The following ZFP92 variants were observed in gnomAD, a reference collection of about 807,000 sequenced individuals.
ZFP92 encodes zinc finger protein 92 homolog.
A neutral mutation model predicts 7.6 loss-of-function variants in ZFP92; 2 were observed. The ratio of observed to expected loss-of-function variants is 0.26; its 90% CI spans 0.11 to 0.83. The LOEUF is 0.83. Among genes scored for constraint, ZFP92 ranks in the 40% least tolerant of loss-of-function variants. The pLI is 0.65. For missense variants in ZFP92, 324 were observed against 408.3 expected, an observed-to-expected ratio of 0.79 and a Z score of 1.78; for synonymous variants, 226 against 183.6, an observed-to-expected ratio of 1.23 and a Z score of -1.87.
At chrX:153,413,944 C>G (rs906181149) in intron 2 of ZFP92, among the ~76,000 whole-genome samples, 13 of 112,482 alleles carry the variant, frequency 1.2e-4, no homozygotes, top group Admixed American at 1.9e-4. Flanking sequence ...GGGTCTCCGT[C>G]TCTGGGCGGC....
At position 153,423,619 on chromosome X, in the gene ZFP92, C is replaced by T. The variant is rs1352337412; in HGVS notation, c.*1991C>T. ...TGATGCCAAGCCCGGTGCTGGTAAT[C>T]AGTAAGCATGAGTGAAATAGGTCTT... On this transcript the variant is annotated 3_prime_UTR_variant, in exon 6 of 6. Coordinates refer to ENST00000338647, the MANE Select transcript of ZFP92 (RefSeq NM_001136273.2). The T allele has an allele frequency of 8.8e-6, 1 of 113,130 alleles. No homozygotes were observed. Among genetic ancestry groups the T allele is most frequent in the African/African-American group, 3.2e-5 (1 of 31,147 alleles). The allele number at this position is 113,130 out of a possible 1,213,427, so 9.3% of individuals were successfully genotyped here.
At position 153,411,707 on chromosome X, in the gene ZFP92, A is replaced by G. The variant is rs1556972987; in HGVS notation, c.-68+4A>G. ...CTCGGCTGCCCGCCGAGCCCAGGTA[A>G]GAGGGCCGAGCTGGGCCGCAGGGGT... On this transcript the variant is annotated splice_donor_region_variant and intron_variant, in intron 1 of 5. Transcript: ENST00000338647. 8.9e-6 allele frequency among the ~76,000 whole-genome samples: 1 copy of G among 112,898 alleles called. No homozygotes were observed. Among genetic ancestry groups the G allele is most frequent in the East Asian group, 2.8e-4 (1 of 3,552 alleles).
chrX:153,419,219 A>G (rs947688562), intron 4 of ZFP92, among the ~76,000 whole-genome samples: 3 of 112,744 alleles, frequency 2.7e-5, no homozygotes, highest in East Asian at 5.6e-4. Context: ...TTTTCCTTCC[A>G]TTGACCAGGG....
chrX:153,420,842 G>T lies in ZFP92; in HGVS notation c.465G>T (p.Gln155His). Residue 155 changes from glutamine to histidine, a missense_variant, in exon 6 of 6, where the codon CAG becomes CAT. Gln to His is a conservative substitution (Grantham distance 24). Transcript: ENST00000338647. Reference protein sequence around the residue: ...PKGAEKRYLCQQCGKAFSRSS... With the variant: ...PKGAEKRYLCHQCGKAFSRSS... ...GCGCGGAGAAGCGGTACCTGTGCCA[G>T]CAGTGTGGGAAGGCCTTCAGCCGCA... 1 of 1,179,074 alleles carries T rather than the reference G, an allele frequency of 8.5e-7. No individual in the cohort carries two copies. The highest frequency in any genetic ancestry group is 1.1e-6 in the Non-Finnish European group (1 of 878,942).
At chrX:153,418,542 G>A (rs782621522) in intron 3 of ZFP92, 131 bp from the exon 4 acceptor site, 65 of 1,002,970 alleles carry the variant, frequency 6.5e-5, no homozygotes, top group Admixed American at 1.3e-4. Context: ...CTTACAACTC[G>A]TGCAACCCGA....
rs2088976772 is a variant in ZFP92 at position 153,418,936 on chromosome X, C to G, written c.160+137C>G. 1.5e-5 allele frequency: 14 copies of G among 911,280 alleles called. No individual in the cohort carries two copies. In the South Asian group the frequency reaches 3.8e-4, roughly 25 times the overall value. The allele number at this position is 911,280 out of a possible 1,213,427, so 75.1% of individuals were successfully genotyped here. A position where few individuals can be genotyped will look rare whatever the true frequency, so the allele number is the denominator to read the frequency against. On this transcript the variant is annotated intron_variant, in intron 4 of 5. Coordinates refer to ENST00000338647, the MANE Select transcript of ZFP92 (RefSeq NM_001136273.2). ...GCATTTCTCCATCAGACCAGTAATG[C>G]CAGTAATCCATTGCAGGCCAGCCGC...
chrX:153,421,813 G>C lies in ZFP92; in HGVS notation c.*185G>C. The C allele has an allele frequency of 1.8e-6, 1 of 543,877 alleles. No individual in the cohort carries two copies. The highest frequency in any genetic ancestry group is 2.4e-6 in the Non-Finnish European group (1 of 413,268). The allele number at this position is 543,877 out of a possible 1,213,427, so 44.8% of individuals were successfully genotyped here. A position where few individuals can be genotyped will look rare whatever the true frequency, so the allele number is the denominator to read the frequency against. On this transcript the variant is annotated 3_prime_UTR_variant, in exon 6 of 6. Transcript: ENST00000338647. ...CTCACCCTGAGGCTGAGAAACGCAGGAAGGACTCAGAACCGAGGACTGCCG... is the reference window on the plus strand; with the variant it reads ...CTCACCCTGAGGCTGAGAAACGCAGCAAGGACTCAGAACCGAGGACTGCCG...
At position 153,421,160 on chromosome X, in the gene ZFP92, G is replaced by A; in HGVS notation, c.783G>A (p.Glu261=). 8.5e-7 allele frequency: 1 copy of A among 1,180,707 alleles called. No individual in the cohort carries two copies. Among genetic ancestry groups the A allele is most frequent in the Non-Finnish European group, 1.1e-6 (1 of 880,075 alleles). The change falls in exon 6 of 6, where the codon GAG becomes GAA. Residue 261 remains glutamate (E), a synonymous_variant. Transcript: ENST00000338647. ...LLEHARVHSG[E]RPYACPECGK... is the part of the protein sequence containing the mutation. The stretch of plus-strand genomic sequence containing the variant: ...AGCACGCGCGCGTGCACAGCGGCGA[G>A]CGGCCCTACGCGTGCCCAGAGTGCG...
chrX:153,426,335 T>TATC lies in ZFP92; in HGVS notation c.*4709_*4711dup, dbSNP rs1432957338. On this transcript the variant is annotated 3_prime_UTR_variant, in exon 6 of 6. Coordinates refer to ENST00000338647, the MANE Select transcript of ZFP92 (RefSeq NM_001136273.2). The stretch of plus-strand genomic sequence containing the variant: ...TTTTTTCATCAGGTGTTTTTGTGCA[T>TATC]ATCAGTACTCCATTTTTTTTTATTG... 1 of 110,993 alleles carries TATC rather than the reference T, an allele frequency of 9.0e-6. No individual in the cohort carries two copies. Among genetic ancestry groups the TATC allele is most frequent in the African/African-American group, 3.3e-5 (1 of 30,569 alleles). 9.1% of individuals were successfully genotyped at this position (110,993 alleles called of 1,213,427 possible).
intron 2 of ZFP92, among the ~76,000 whole-genome samples, 105 bp downstream of exon 2, chrX:153,412,118 G>A (rs2088913192): frequency 8.9e-6 from 1 of 112,915 alleles, no homozygotes; most frequent in African/African-American, 3.2e-5. Context: ...TCTCCAGATC[G>A]GGGCAGGATG....
At chrX:153,413,550 C>T (rs1009180934) in intron 2 of ZFP92, among the ~76,000 whole-genome samples, 4 of 109,951 alleles carry the variant, frequency 3.6e-5, no homozygotes, top group Non-Finnish European at 5.7e-5. Flanking sequence ...TCACCTGAGG[C>T]GCCAAGGTCT....
In ZFP92 at chrX:153,425,439, T is replaced by G. The variant is rs781898289; in HGVS notation, c.*3811T>G. Reference sequence around the variant, plus strand: ...TCAGTTAGAACCAGAGTATGGAGAGTCTGGGATGCCATATACAAAAGTTTG... The same window carrying G: ...TCAGTTAGAACCAGAGTATGGAGAGGCTGGGATGCCATATACAAAAGTTTG... On this transcript the variant is annotated 3_prime_UTR_variant, in exon 6 of 6. Transcript: ENST00000338647. The G allele has an allele frequency of 5.4e-5, 6 of 111,168 alleles. No individual in the cohort carries two copies. Among genetic ancestry groups the G allele is most frequent in the Non-Finnish European group, 1.1e-4 (6 of 52,964 alleles). The allele number at this position is 111,168 out of a possible 1,213,427, so 9.2% of individuals were successfully genotyped here.
Position 153,420,863 on chromosome X carries a change from C to T in ZFP92, c.486C>T (p.Ser162=). 8.4e-7 allele frequency: 1 copy of T among 1,185,823 alleles called. No homozygotes were observed. Among genetic ancestry groups the T allele is most frequent in the Non-Finnish European group, 1.1e-6 (1 of 882,381 alleles). ...YLCQQCGKAF[S]RSSNLIKHRI... ...GCCAGCAGTGTGGGAAGGCCTTCAG[C>T]CGCAGCTCCAACCTCATCAAGCACC... Residue 162 remains serine (S), a synonymous_variant, in exon 6 of 6, where the codon AGC becomes AGT. Transcript: ENST00000338647.
chrX:153,417,334 G>A (rs1381982493), intron 2 of ZFP92, among the ~76,000 whole-genome samples: 1 of 112,342 alleles, frequency 8.9e-6, no homozygotes, highest in African/African-American at 3.2e-5. Flanking sequence ...GCCAGGGTAT[G>A]TGCTGTGCTG....
chrX:153,413,393 G>A (rs909240769), intron 2 of ZFP92, among the ~76,000 whole-genome samples: 1 of 106,391 alleles, frequency 9.4e-6, no homozygotes, highest in African/African-American at 3.4e-5. Context: ...CCCTCCCCGC[G>A]TGGAGCACCC....
intron 2 of ZFP92, 109 bp from the exon 3 acceptor site, chrX:153,418,196 C>T (rs1375833284): frequency 3.4e-6 from 3 of 882,462 alleles, no homozygotes; most frequent in African/African-American, 2.0e-5. Context: ...CCACAGGTGG[C>T]CGCTGTGCTT....
chrX:153,421,849 C>A lies in ZFP92; in HGVS notation c.*221C>A. 3 of 356,160 alleles carry A rather than the reference C, an allele frequency of 8.4e-6. No homozygotes were observed. The highest frequency in any genetic ancestry group is 1.2e-5 in the Non-Finnish European group (3 of 243,837). 29.4% of individuals were successfully genotyped at this position (356,160 alleles called of 1,213,427 possible). On this transcript the variant is annotated 3_prime_UTR_variant, in exon 6 of 6. Coordinates refer to ENST00000338647, the MANE Select transcript of ZFP92 (RefSeq NM_001136273.2). Reference sequence around the variant, plus strand: ...AACCGAGGACTGCCGCCTGCCCTGGCTCCTCCATCAACGGCAGTGCGGGCT... The same window carrying A: ...AACCGAGGACTGCCGCCTGCCCTGGATCCTCCATCAACGGCAGTGCGGGCT...
At chrX:153,415,029 C>A (rs782028012) in intron 2 of ZFP92, among the ~76,000 whole-genome samples, 2 of 113,222 alleles carry the variant, frequency 1.8e-5, no homozygotes, top group African/African-American at 6.4e-5. Flanking sequence ...CCAGCAGAGG[C>A]GGGTGGCTAG....
In ZFP92 at chrX:153,411,715, G is replaced by T. The variant is rs188510069; in HGVS notation, c.-68+12G>T. ...CCCGCCGAGCCCAGGTAAGAGGGCCGAGCTGGGCCGCAGGGGTGCGGGTAA... is the reference window on the plus strand; with the variant it reads ...CCCGCCGAGCCCAGGTAAGAGGGCCTAGCTGGGCCGCAGGGGTGCGGGTAA... On this transcript the variant is annotated intron_variant, in intron 1 of 5. Transcript: ENST00000338647. 8.8e-6 allele frequency among the ~76,000 whole-genome samples: 1 copy of T among 113,077 alleles called. No homozygotes were observed. Among genetic ancestry groups the T allele is most frequent in the African/African-American group, 3.2e-5 (1 of 31,181 alleles).
Sources: allele counts gnomAD v4.1 joint callset (sites outside exome capture counted in the v4.1 genomes callset), GRCh38; gene constraint gnomAD v4.1.1; transcripts MANE v1.5; gene names NCBI Gene and HGNC (gene_info 2026-07-23, HGNC 2026-07-21).